The following TFF2 variants were observed in gnomAD, a reference collection of about 807,000 sequenced individuals.
TFF2 encodes spasmolysin.
TFF2 carries 19 observed loss-of-function variants against 16.0 expected under a neutral mutation model. The observed-to-expected ratio is 1.19, with a 90% CI of 0.83 to 1.74. The LOEUF (loss-of-function observed/expected upper bound fraction) is 1.74, where lower values mean the gene tolerates loss of function less well. TFF2 is among the 40% of genes most tolerant of loss of function. TFF2 has a pLI of 0.00. For missense variants in TFF2, 168 were observed against 166.8 expected (o/e 1.01, Z -0.04); for synonymous variants, 61 against 65.4 (o/e 0.93, Z 0.32).
intron 3 of TFF2, 95 bp from the exon 4 acceptor site, chr21:42,346,641 G>C (rs1254592754): frequency 2.6e-5 from 36 of 1,364,694 alleles, no homozygotes; most frequent in Non-Finnish European, 3.4e-5. Context: ...ACTTTGCCCA[G>C]GAGCTTCCTA....
rs771153917 is a variant in TFF2, at chr21:42,350,862, C to T, written c.79+17G>A. The T allele has an allele frequency of 4.3e-5, 69 of 1,596,924 alleles. 4 individuals are homozygous for T. In the Middle Eastern group the frequency reaches 7.5e-4, roughly 17 times the overall value. ...GAAATAAAGAAAGCACATAAAAAGA[C>T]CCTCTCCTTCACTTACAGGGTTTCT... On this transcript the variant is annotated intron_variant, in intron 1 of 3. Transcript: ENST00000291526.
chr21:42,348,996 C>CAACCTGGGCTAGCTCCAGACTAACA (rs2052091764), intron 2 of TFF2, among the ~76,000 whole-genome samples: 1 of 151,708 alleles, frequency 6.6e-6, no homozygotes, highest in Admixed American at 6.6e-5. Context: ...CCAGACTAAA[C>CAACCTGGGCTAGCTCCAGACTAACA]AACCTGGGCT....
At position 42,347,645 on chromosome 21, in the gene TFF2, A is replaced by G. The variant is rs200083013; in HGVS notation, c.230-13T>C. 1.2e-6 allele frequency: 2 copies of G among 1,613,314 alleles called. No individual in the cohort carries two copies. The highest frequency in any genetic ancestry group is 1.7e-5 in the Admixed American group (1 of 59,994). On this transcript the variant is annotated splice_polypyrimidine_tract_variant and intron_variant, in intron 2 of 3. Transcript: ENST00000291526. ...CACTGATCCGACTCTGCCATGGGAC[A>G]GGCACAGCACCGAGACCCAGTCAGG...
intron 2 of TFF2, among the ~76,000 whole-genome samples, chr21:42,348,420 TAGAGGAGACC>T (rs2052086361): frequency 2.0e-5 from 3 of 152,224 alleles, no homozygotes. Flanking sequence ...CTTCAAAAAC[TAGAGGAGACC>T]TACTATATAT....
chr21:42,347,205 G>A (rs2052075224), intron 3 of TFF2, among the ~76,000 whole-genome samples: 1 of 152,246 alleles, frequency 6.6e-6, no homozygotes, highest in African/African-American at 2.4e-5. Context: ...CAACGCCTCT[G>A]AACGTTGCAA....
intron 1 of TFF2, 132 bp downstream of exon 1, chr21:42,350,747 C>G: frequency 1.0e-6 from 1 of 960,336 alleles, no homozygotes; most frequent in East Asian, 2.8e-5. Flanking sequence ...GTGGCAAATC[C>G]CATGTGAACA....
chr21:42,346,599 C>A, intron 3 of TFF2, 53 bp from the exon 4 acceptor site: 1 of 1,564,122 alleles, frequency 6.4e-7, no homozygotes, highest in Non-Finnish European at 8.6e-7. Context: ...AATGGGAGTG[C>A]CTAGGCTGCG....
intron 2 of TFF2, among the ~76,000 whole-genome samples, chr21:42,349,354 T>C (rs1445107566): frequency 7.7e-5 from 8 of 103,652 alleles, no homozygotes; most frequent in South Asian, 3.4e-4. Flanking sequence ...CTAGACTAAC[T>C]AGCCTACACT....
chr21:42,348,308 G>T (rs886674000), intron 2 of TFF2, among the ~76,000 whole-genome samples: 1 of 152,096 alleles, frequency 6.6e-6, no homozygotes, highest in Non-Finnish European at 1.5e-5. Flanking sequence ...ACCCTAGAAG[G>T]CTTCACTTCC....
chr21:42,349,832 G>C, intron 2 of TFF2, 49 bp downstream of exon 2: 30 of 1,526,790 alleles, frequency 2.0e-5, no homozygotes, highest in Non-Finnish European at 2.5e-5. Flanking sequence ...TGTGAAGCTG[G>C]GTCCTGGGTT....
chr21:42,347,444 T>G (rs759530532), intron 3 of TFF2, 42 bp downstream of exon 3: 1 of 1,612,764 alleles, frequency 6.2e-7, no homozygotes, highest in African/African-American at 1.3e-5. Flanking sequence ...GGAGGAATCA[T>G]GGTGTCCGGG....
intron 2 of TFF2, among the ~76,000 whole-genome samples, chr21:42,348,884 C>A (rs932258273): frequency 6.6e-6 from 1 of 151,952 alleles, no homozygotes; most frequent in Admixed American, 6.5e-5. Flanking sequence ...CCAGACTAAC[C>A]AACCTGGGCT....
At chr21:42,348,039 G>A (rs1601491911) in intron 2 of TFF2, among the ~76,000 whole-genome samples, 1 of 152,234 alleles carries the variant, frequency 6.6e-6, no homozygotes, top group Admixed American at 6.5e-5. Flanking sequence ...GATGGAAAGC[G>A]TTTGGACATG....
intron 1 of TFF2, among the ~76,000 whole-genome samples, chr21:42,350,645 C>T (rs2052109380): frequency 6.6e-6 from 1 of 152,172 alleles, no homozygotes; most frequent in Admixed American, 6.5e-5. Flanking sequence ...GGTGGGAATG[C>T]CCTCCTGGCC....
chr21:42,350,797 C>T (rs900372590), intron 1 of TFF2, 82 bp downstream of exon 1: 1 of 1,435,100 alleles, frequency 7.0e-7, no homozygotes, highest in African/African-American at 1.5e-5. Flanking sequence ...TTCCCCCTCT[C>T]AAGTTAATTT....
chr21:42,349,910 G>A lies in TFF2; in HGVS notation c.200C>T (p.Pro67Leu). The A allele has an allele frequency of 6.2e-7, 1 of 1,600,732 alleles. No homozygotes were observed. The highest frequency in any genetic ancestry group is 8.5e-7 in the Non-Finnish European group (1 of 1,173,596). The change falls in exon 2 of 4, where the codon CCC (proline) becomes CTC (leucine). Residue 67 changes from proline (P) to leucine (L), a missense_variant. Pro to Leu is a moderately conservative substitution (Grantham distance 98). Transcript: ENST00000291526. ...CTTTGGGAGGGGGTGGAAACACCAG[G>A]GGACCCCAGTGACACTGGAGTCGAA... Reference protein sequence around the residue: ...CCFDSSVTGVPWCFHPLPKQE... With the variant: ...CCFDSSVTGVLWCFHPLPKQE...
At chr21:42,348,448 T>G (rs2052086739) in intron 2 of TFF2, among the ~76,000 whole-genome samples, 1 of 151,588 alleles carries the variant, frequency 6.6e-6, no homozygotes, top group Admixed American at 6.5e-5. Flanking sequence ...TATATATATA[T>G]TTTTTTCTCA....
At position 42,347,551 on chromosome 21, in the gene TFF2, C is replaced by A. The variant is rs775411596; in HGVS notation, c.311G>T (p.Arg104Leu). The change falls in exon 3 of 4, where the codon CGG (arginine) becomes CTG (leucine). Residue 104 changes from arginine to leucine, a missense_variant. By Grantham distance (102) the Arg-to-Leu change is moderately radical. Transcript: ENST00000291526. ...PGISPEECAS[R>L]KCCFSNFIFE... is the part of the protein sequence containing the mutation. ...GATGAAGTTGGAGAAGCAGCACTTC[C>A]GAGAGGCGCATTCCTCGGGGCTGAT... is the stretch of plus-strand genomic sequence containing the variant. 2 of 1,614,068 alleles carry A rather than the reference C, an allele frequency of 1.2e-6. No individual in the cohort carries two copies. The highest frequency in any genetic ancestry group is 1.7e-5 in the Admixed American group (1 of 60,006).
At chr21:42,347,414 A>G in intron 3 of TFF2, 72 bp downstream of exon 3, 1 of 1,598,716 alleles carries the variant, frequency 6.3e-7, no homozygotes, top group Non-Finnish European at 8.5e-7. Flanking sequence ...CCCTCCCTGC[A>G]CCCCACCTCT....
Sources: gnomAD v4.1 joint callset for allele counts (sites outside exome capture counted in the v4.1 genomes callset) on GRCh38, gnomAD v4.1.1 for gene constraint, MANE v1.5 for transcripts, NCBI Gene and HGNC (gene_info 2026-07-23, HGNC 2026-07-21) for gene names.